STAG2: variants seen among roughly 807,000 people sequenced by gnomAD.
STAG2 encodes the protein STAG2 cohesin complex component.
A neutral mutation model predicts 108.1 loss-of-function variants in STAG2; 14 were observed. The ratio of observed to expected loss-of-function variants is 0.13; its 90% CI spans 0.09 to 0.20. The LOEUF is 0.20. Among genes scored for constraint, STAG2 ranks in the 10% least tolerant of loss-of-function variants. The pLI is 1.00. For synonymous variants in STAG2, 307 were observed against 302.7 expected (o/e 1.01, Z -0.15); for missense variants, 440 against 940.9 (o/e 0.47, Z 6.96).
chrX:124,080,485 C>T (rs191387476), intron 27 of STAG2, among the ~76,000 whole-genome samples: 34 of 110,884 alleles, frequency 3.1e-4, no homozygotes, highest in Middle Eastern at 4.6e-3. Context: ...GTCAGGAGTT[C>T]GAAAGCAGCC....
chrX:124,015,833 G>A (rs2056704135), intron 1 of STAG2, among the ~76,000 whole-genome samples: 1 of 111,613 alleles, frequency 9.0e-6, no homozygotes, highest in Non-Finnish European at 1.9e-5. Context: ...TGGATCAAAT[G>A]TACTACTGCA....
chrX:124,091,875 A>G (rs915771055), intron 32 of STAG2, among the ~76,000 whole-genome samples: 14 of 112,306 alleles, frequency 1.2e-4, no homozygotes, highest in African/African-American at 4.5e-4. Flanking sequence ...TTTTTACTGG[A>G]TTATGTATGA....
rs189535129 is a variant in STAG2, at chrX:123,973,490, C to T, written c.-163+11634C>T. Among the ~76,000 whole-genome samples the T allele has an allele frequency of 2.7e-3, 220 of 82,366 alleles. 1 individual carries two copies. The highest frequency in any genetic ancestry group is 9.6e-3 in the African/African-American group (197 of 20,580). The allele number at this position is 82,366 out of a possible 115,157, so 71.5% of individuals were successfully genotyped here. A position where few individuals can be genotyped will look rare whatever the true frequency, so the allele number is the denominator to read the frequency against. Reference sequence around the variant, plus strand: ...CCGGGAGGCTGAGATTGCAGTGAGCCGAGATCGTGCCACAGCACTCCAGCC... The same window carrying T: ...CCGGGAGGCTGAGATTGCAGTGAGCTGAGATCGTGCCACAGCACTCCAGCC... On this transcript the variant is annotated intron_variant, in intron 1 of 34. Coordinates refer to ENST00000371145, the MANE Select transcript of STAG2 (RefSeq NM_001042750.2).
At position 124,095,462 on chromosome X, in the gene STAG2, T is replaced by A. The variant is rs766379817; in HGVS notation, c.3783+13T>A. ...TATGGATGAATCAGTAGGTTTAATT[T>A]AAATGTACCCTAGGATTGCAAAATC... On this transcript the variant is annotated intron_variant, in intron 34 of 34. Coordinates refer to ENST00000371145, the MANE Select transcript of STAG2 (RefSeq NM_001042750.2). The A allele has an allele frequency of 8.5e-7, 1 of 1,172,445 alleles. No homozygotes were observed. Among genetic ancestry groups the A allele is most frequent in the Admixed American group, 2.2e-5 (1 of 45,922 alleles).
In STAG2 at chrX:124,088,373, C is replaced by T. The variant is rs369040650; in HGVS notation, c.3277+1603C>T. On this transcript the variant is annotated intron_variant, in intron 30 of 34. Transcript: ENST00000371145. ...TCTCATTCAGGTTTTTGGGGAGAAT[C>T]ATAGAAATTGGGGCATTAATAAGTT... Among the ~76,000 whole-genome samples, 3 of 110,710 alleles carry T rather than the reference C, an allele frequency of 2.7e-5. No homozygotes were observed. In the East Asian group the frequency reaches 8.4e-4, roughly 31 times the overall value.
intron 27 of STAG2, among the ~76,000 whole-genome samples, chrX:124,078,367 A>G (rs2058853634): frequency 8.9e-6 from 1 of 111,947 alleles, no homozygotes; most frequent in Non-Finnish European, 1.9e-5. Flanking sequence ...CAAGGTGATA[A>G]GACAAGTTTG....
chrX:123,977,832 G>GTTTTTTTTTTTT (rs35569156), intron 1 of STAG2, among the ~76,000 whole-genome samples: 1 of 38,559 alleles, frequency 2.6e-5, no homozygotes, highest in Admixed American at 3.6e-4. Context: ...GTTCCCAAGT[G>GTTTTTTTTTTTT]TTTTTTTTTT....
At position 124,085,556 on chromosome X, in the gene STAG2, A is replaced by G. The variant is rs144103105; in HGVS notation, c.3054-991A>G. 9.5e-4 allele frequency among the ~76,000 whole-genome samples: 105 copies of G among 110,559 alleles called. 2 individuals are homozygous for G. In the East Asian group the frequency reaches 0.019, roughly 20 times the overall value. The stretch of plus-strand genomic sequence containing the variant: ...GTAATCCCAGCATTTTGGGAGGTCA[A>G]GGCGGGCAGAGAGTTCGAGAGCAAT... On this transcript the variant is annotated intron_variant, in intron 29 of 34. Coordinates refer to ENST00000371145, the MANE Select transcript of STAG2 (RefSeq NM_001042750.2).
At chrX:124,028,983 ATT>A (rs1160857580) in intron 4 of STAG2, among the ~76,000 whole-genome samples, 1 of 78,186 alleles carries the variant, frequency 1.3e-5, no homozygotes, top group African/African-American at 5.6e-5. Flanking sequence ...ATTTATTTTT[ATT>A]TATATATATA....
At chrX:124,006,672 C>CT (rs1227156389) in intron 1 of STAG2, among the ~76,000 whole-genome samples, 1 of 110,862 alleles carries the variant, frequency 9.0e-6, no homozygotes, top group African/African-American at 3.3e-5. Flanking sequence ...ATCTCCTGAC[C>CT]TTGTGATCCG....
At chrX:123,991,717 TG>T (rs1183320221) in intron 1 of STAG2, among the ~76,000 whole-genome samples, 2 of 106,104 alleles carry the variant, frequency 1.9e-5, no homozygotes, top group Non-Finnish European at 3.9e-5. Flanking sequence ...CAGGCTGGAG[TG>T]CAATGGCGCG....
chrX:124,056,784 A>G (rs1257009294), intron 14 of STAG2, among the ~76,000 whole-genome samples: 1 of 108,281 alleles, frequency 9.2e-6, no homozygotes, highest in South Asian at 4.0e-4. Flanking sequence ...TTCAGTAAAC[A>G]TGCTTAGAAA....
intron 1 of STAG2, among the ~76,000 whole-genome samples, chrX:124,013,557 C>G (rs965018663): frequency 8.9e-6 from 1 of 111,922 alleles, no homozygotes; most frequent in African/African-American, 3.2e-5. Flanking sequence ...TAGTCAGCTG[C>G]AGCTTATTAG....
chrX:124,062,873 T>A, intron 17 of STAG2, 29 bp from the exon 18 acceptor site: 2 of 1,142,550 alleles, frequency 1.8e-6, no homozygotes, highest in African/African-American at 1.8e-5. Flanking sequence ...ATGGGCTTAA[T>A]AAATACAGAA....
intron 1 of STAG2, among the ~76,000 whole-genome samples, chrX:124,000,898 A>G (rs1212057638): frequency 9.0e-6 from 1 of 111,200 alleles, no homozygotes; most frequent in Non-Finnish European, 1.9e-5. Flanking sequence ...CGTTTAACGA[A>G]AAAGTTTGAA....
chrX:124,019,372 T>C (rs555270285), intron 1 of STAG2, among the ~76,000 whole-genome samples: 2 of 110,667 alleles, frequency 1.8e-5, no homozygotes, highest in South Asian at 7.7e-4. Context: ...TTATATTTAA[T>C]AATAATAAGT....
intron 1 of STAG2, among the ~76,000 whole-genome samples, chrX:123,994,085 C>G (rs1295239705): frequency 9.0e-6 from 1 of 111,663 alleles, no homozygotes; most frequent in Non-Finnish European, 1.9e-5. Context: ...ATAAGAGAAG[C>G]ATTGCACCAT....
At chrX:124,077,916 T>A in intron 26 of STAG2, 41 bp from the exon 27 acceptor site, 1 of 947,237 alleles carries the variant, frequency 1.1e-6, no homozygotes, top group Non-Finnish European at 1.4e-6. Context: ...GTCAAGTAGT[T>A]TTAAGAGATA....
At chrX:124,004,034 G>A (rs1176963997) in intron 1 of STAG2, among the ~76,000 whole-genome samples, 1 of 112,039 alleles carries the variant, frequency 8.9e-6, no homozygotes, top group Non-Finnish European at 1.9e-5. Flanking sequence ...TAAGTGTACA[G>A]TTCAGTAGCA....
Sources: gnomAD v4.1 joint callset for allele counts (sites outside exome capture counted in the v4.1 genomes callset) on GRCh38, gnomAD v4.1.1 for gene constraint, MANE v1.5 for transcripts, NCBI Gene and HGNC (gene_info 2026-07-23, HGNC 2026-07-21) for gene names.